Variants in KIAA1958 observed in about 807,000 individuals in gnomAD.
KIAA1958 encodes the protein uncharacterized protein KIAA1958.
A neutral mutation model predicts 47.2 loss-of-function variants in KIAA1958; 14 were observed. The ratio of observed to expected loss-of-function variants is 0.30; its 90% CI spans 0.20 to 0.46. The LOEUF is 0.46. KIAA1958 is among the 20% of genes least tolerant of loss of function. The probability of loss-of-function intolerance (pLI) is 1.00; values close to 1 mark genes in which losing one functional copy is unlikely to be tolerated. For missense variants in KIAA1958, 803 were observed against 909.2 expected, an observed-to-expected ratio of 0.88 and a Z score of 1.50; for synonymous variants, 354 against 353.3, an observed-to-expected ratio of 1.00 and a Z score of -0.02.
At chr9:112,602,789 T>C (rs1671075398) in intron 2 of KIAA1958, among the ~76,000 whole-genome samples, 1 of 152,182 alleles carries the variant, frequency 6.6e-6, no homozygotes, top group South Asian at 2.1e-4. Flanking sequence ...TGAAGGGTCC[T>C]AACAAAGAAT....
chr9:112,622,305 A>G (rs1836523287), intron 2 of KIAA1958, among the ~76,000 whole-genome samples: 1 of 152,196 alleles, frequency 6.6e-6, no homozygotes, highest in African/African-American at 2.4e-5. Flanking sequence ...ACACTTTAAG[A>G]TCAATGTAAT....
intron 1 of KIAA1958, among the ~76,000 whole-genome samples, chr9:112,530,221 T>C (rs577500967): frequency 2.0e-5 from 3 of 152,318 alleles, no homozygotes; most frequent in East Asian, 3.9e-4. Context: ...TTCTCTCCCA[T>C]TTATTTATTT....
chr9:112,659,754 G>C lies in KIAA1958; in HGVS notation c.1836G>C (p.Val612=), dbSNP rs755607124. 4 of 1,614,082 alleles carry C rather than the reference G, an allele frequency of 2.5e-6. No homozygotes were observed. In the Admixed American group the frequency reaches 6.7e-5, roughly 27 times the overall value. Residue 612 remains valine (V), a synonymous_variant, in exon 4 of 4, where the codon GTG becomes GTC. Coordinates refer to ENST00000337530, the MANE Select transcript of KIAA1958 (RefSeq NM_133465.4). ...KRESRSGSTR[V]CHGKIYHEHS... is the part of the protein sequence containing the mutation. ...AGAGTCGGAGCGGCTCCACCAGAGT[G>C]TGTCACGGGAAGATCTACCATGAGC...
chr9:112,574,754 G>A lies in KIAA1958; in HGVS notation c.674G>A (p.Gly225Glu), dbSNP rs749120134. The stretch of plus-strand genomic sequence containing the variant: ...GCAGAACTGACAGGAGGAGTAGATG[G>A]ACCAGCCCTGTCCTTGACACAGATG... ...ANAELTGGVD[G>E]PALSLTQMAK... is the part of the protein sequence containing the mutation. The change falls in exon 2 of 4, where the codon GGA (glycine) becomes GAA (glutamate). Residue 225 changes from glycine (G) to glutamate (E), a missense_variant. By Grantham distance (98) the Gly-to-Glu change is moderately conservative. This residue lies in a region of KIAA1958 where 761 missense variants were observed against 829.3 expected (regional missense o/e 0.92). Transcript: ENST00000337530. 6 of 1,613,992 alleles carry A rather than the reference G, an allele frequency of 3.7e-6. No homozygotes were observed. In the South Asian group the frequency reaches 5.5e-5, roughly 15 times the overall value.
At chr9:112,564,035 C>T (rs374099934) in intron 1 of KIAA1958, among the ~76,000 whole-genome samples, 2 of 151,970 alleles carry the variant, frequency 1.3e-5, no homozygotes, top group South Asian at 2.1e-4. Flanking sequence ...CATTTGCTCA[C>T]GTTTTGTAAA....
At chr9:112,597,195 T>C (rs1335685705) in intron 2 of KIAA1958, among the ~76,000 whole-genome samples, 1 of 152,220 alleles carries the variant, frequency 6.6e-6, no homozygotes, top group Non-Finnish European at 1.5e-5. Flanking sequence ...TCCTCTTCAG[T>C]CTGCAGAGTC....
At chr9:112,549,130 T>A (rs548338074) in intron 1 of KIAA1958, among the ~76,000 whole-genome samples, 1 of 152,230 alleles carries the variant, frequency 6.6e-6, no homozygotes, top group Admixed American at 6.5e-5. Flanking sequence ...TCTGGATGAC[T>A]AGATTATATA....
chr9:112,612,745 AG>A (rs913851141), intron 2 of KIAA1958, among the ~76,000 whole-genome samples: 26 of 152,336 alleles, frequency 1.7e-4, no homozygotes, highest in Admixed American at 1.6e-3. Context: ...GCAATATAGC[AG>A]TTCCACTTTT....
At chr9:112,498,063 A>G (rs933024124) in intron 1 of KIAA1958, among the ~76,000 whole-genome samples, 1 of 152,144 alleles carries the variant, frequency 6.6e-6, no homozygotes, top group Non-Finnish European at 1.5e-5. Flanking sequence ...AAGCCAACAT[A>G]TATTTGTTGC....
At chr9:112,642,599 C>G (rs776414162) in intron 2 of KIAA1958, among the ~76,000 whole-genome samples, 2 of 152,224 alleles carry the variant, frequency 1.3e-5, no homozygotes, top group Non-Finnish European at 2.9e-5. Flanking sequence ...CCTTCTTTCT[C>G]TCACGCCCAG....
intron 3 of KIAA1958, among the ~76,000 whole-genome samples, chr9:112,654,537 T>A (rs922771994): frequency 3.9e-5 from 6 of 152,154 alleles, no homozygotes; most frequent in Admixed American, 3.9e-4. Context: ...AGGCGAAAGA[T>A]GAGAATCCTG....
intron 1 of KIAA1958, among the ~76,000 whole-genome samples, chr9:112,500,207 T>A (rs1834111184): frequency 6.6e-6 from 1 of 151,998 alleles, no homozygotes; most frequent in Non-Finnish European, 1.5e-5. Flanking sequence ...TTCCAGCGAT[T>A]CTTGTGCCTC....
chr9:112,502,808 GA>G (rs1261840767), intron 1 of KIAA1958, among the ~76,000 whole-genome samples: 1 of 152,200 alleles, frequency 6.6e-6, no homozygotes, highest in Non-Finnish European at 1.5e-5. Flanking sequence ...CTTACTCCAG[GA>G]AAAGTTTGCT....
At chr9:112,604,402 AT>A (rs796198896) in intron 2 of KIAA1958, among the ~76,000 whole-genome samples, 8 of 152,310 alleles carry the variant, frequency 5.3e-5, no homozygotes, top group African/African-American at 1.7e-4. Context: ...CTGAAGGCTC[AT>A]TTTCACTGTG....
intron 2 of KIAA1958, among the ~76,000 whole-genome samples, chr9:112,607,339 GA>G (rs1836252514): frequency 1.4e-5 from 2 of 147,550 alleles, no homozygotes; most frequent in Admixed American, 1.3e-4. Context: ...TCTCAAAAAA[GA>G]AAAAAGAAAA....
intron 1 of KIAA1958, among the ~76,000 whole-genome samples, chr9:112,519,117 A>T (rs750087564): frequency 1.7e-4 from 26 of 151,920 alleles, no homozygotes; most frequent in South Asian, 4.2e-4. Flanking sequence ...TATTATTATT[A>T]TTTTTTTAAG....
intron 2 of KIAA1958, among the ~76,000 whole-genome samples, chr9:112,631,860 G>A (rs1053244537): frequency 2.0e-5 from 3 of 152,100 alleles, no homozygotes; most frequent in Non-Finnish European, 4.4e-5. Context: ...TTGCACAGAT[G>A]TGCCAAAATC....
chr9:112,526,915 C>G (rs1834667874), intron 1 of KIAA1958, among the ~76,000 whole-genome samples: 1 of 152,148 alleles, frequency 6.6e-6, no homozygotes, highest in African/African-American at 2.4e-5. Flanking sequence ...CTGGACAGCT[C>G]CGGGAGGTAC....
intron 1 of KIAA1958, among the ~76,000 whole-genome samples, chr9:112,569,437 A>G (rs1320177107): frequency 1.3e-5 from 2 of 152,206 alleles, no homozygotes; most frequent in Non-Finnish European, 2.9e-5. Context: ...TAATTCATTA[A>G]AAGCTTCTGG....
Sources: gnomAD v4.1 joint callset for allele counts (sites outside exome capture counted in the v4.1 genomes callset) on GRCh38, gnomAD v4.1.1 for gene constraint, gnomAD v4.1.1 regional missense constraint, MANE v1.5 for transcripts, NCBI Gene and HGNC (gene_info 2026-07-23, HGNC 2026-07-21) for gene names.